The following KHDRBS2 variants were observed in gnomAD, a reference collection of about 807,000 sequenced individuals.
KHDRBS2 encodes the protein KH RNA binding domain containing, signal transduction associated 2.
KHDRBS2 carries 26 observed loss-of-function variants against 44.3 expected under a neutral mutation model. The observed-to-expected ratio is 0.59, with a 90% CI of 0.43 to 0.81. The LOEUF (loss-of-function observed/expected upper bound fraction) is 0.81. KHDRBS2 is among the 40% of genes least tolerant of loss of function. KHDRBS2 has a pLI of 0.00. For missense variants in KHDRBS2, 476 were observed against 433.1 expected, an observed-to-expected ratio of 1.10 and a Z score of -0.88; for synonymous variants, 194 against 151.1, an observed-to-expected ratio of 1.28 and a Z score of -2.08.
intron 6 of KHDRBS2, among the ~76,000 whole-genome samples, chr6:61,790,452 C>T (rs1942414856): frequency 6.7e-6 from 1 of 149,958 alleles, no homozygotes; most frequent in Non-Finnish European, 1.5e-5. Context: ...CAGCCTGAAC[C>T]AATAAGAATA....
rs1295109132 is a variant in KHDRBS2 at position 61,945,101 on chromosome 6, AAAAAAAAAAAAGTATATATATATATATAT to A, written c.483+32936_483+32964del. 1.9e-3 allele frequency among the ~76,000 whole-genome samples: 107 copies of A among 56,264 alleles called. 4 individuals carry two copies. The highest frequency in any genetic ancestry group is 6.4e-3 in the African/African-American group (99 of 15,588). 36.9% of individuals were successfully genotyped at this position (56,264 alleles called of 152,430 possible). A position where few individuals can be genotyped will look rare whatever the true frequency, so the allele number is the denominator to read the frequency against. On this transcript the variant is annotated intron_variant, in intron 4 of 8. Transcript: ENST00000281156. ...GTGAGACTCTGTCTTAAAAAAAAAA[AAAAAAAAAAAAGTATATATATATATATAT>A]ATATATATATATATATATATACACA... is the stretch of plus-strand genomic sequence containing the variant.
intron 1 of KHDRBS2, among the ~76,000 whole-genome samples, chr6:62,218,481 G>C (rs1830378925): frequency 6.6e-6 from 1 of 151,586 alleles, no homozygotes; most frequent in Non-Finnish European, 1.5e-5. Flanking sequence ...CCCAGAAAGA[G>C]TACAGAAGTG....
intron 6 of KHDRBS2, among the ~76,000 whole-genome samples, chr6:61,754,576 T>G (rs1420858771): frequency 6.6e-6 from 1 of 151,932 alleles, no homozygotes; most frequent in Non-Finnish European, 1.5e-5. Context: ...TTTTTTTTTT[T>G]TTTTTGGTTT....
chr6:61,744,460 A>C (rs1776598120), intron 6 of KHDRBS2, among the ~76,000 whole-genome samples: 1 of 152,106 alleles, frequency 6.6e-6, no homozygotes, highest in Non-Finnish European at 1.5e-5. Context: ...AAATCATCCA[A>C]GTAAAGAGTA....
At chr6:61,826,519 G>A (rs1366912682) in intron 6 of KHDRBS2, among the ~76,000 whole-genome samples, 1 of 151,974 alleles carries the variant, frequency 6.6e-6, no homozygotes, top group Non-Finnish European at 1.5e-5. Flanking sequence ...GCTTCCTGCT[G>A]TTACTGGCTT....
intron 2 of KHDRBS2, among the ~76,000 whole-genome samples, chr6:62,145,716 C>T (rs1813788572): frequency 6.6e-6 from 1 of 151,892 alleles, no homozygotes; most frequent in Admixed American, 6.6e-5. Flanking sequence ...TAATCTAACA[C>T]AGATGGAGCA....
chr6:62,109,653 A>G (rs190170436), intron 2 of KHDRBS2, among the ~76,000 whole-genome samples: 1 of 152,108 alleles, frequency 6.6e-6, no homozygotes, highest in East Asian at 1.9e-4. Context: ...AAATACAATT[A>G]AAATACCAGT....
chr6:61,573,040 C>A, the KHDRBS2 span, among the ~76,000 whole-genome samples: 1 of 152,074 alleles, frequency 6.6e-6, no homozygotes, highest in Non-Finnish European at 1.5e-5. Context: ...TCGCTGTTTG[C>A]TATTTATATG....
intron 7 of KHDRBS2, among the ~76,000 whole-genome samples, chr6:61,726,375 C>G (rs989569572): frequency 4.6e-5 from 7 of 152,156 alleles, no homozygotes; most frequent in Admixed American, 2.0e-4. Context: ...GACAAGGATG[C>G]CTTCTCTCAC....
At position 62,042,555 on chromosome 6, in the gene KHDRBS2, G is replaced by A. The variant is rs13195708; in HGVS notation, c.336+5323C>T. ...AGTCACAGCCTGACTGACAAGCAATGAGCATGACTTCACCCCTTCAGGATT... is the reference window on the plus strand; with the variant it reads ...AGTCACAGCCTGACTGACAAGCAATAAGCATGACTTCACCCCTTCAGGATT... On this transcript the variant is annotated intron_variant, in intron 3 of 8. Coordinates refer to ENST00000281156, the MANE Select transcript of KHDRBS2 (RefSeq NM_152688.4). Among the ~76,000 whole-genome samples the A allele has an allele frequency of 6.6e-3, 1,000 of 152,168 alleles. 7 individuals carry two copies. Among genetic ancestry groups the A allele is most frequent in the Non-Finnish European group, 0.011 (753 of 67,976 alleles).
At chr6:62,208,062 T>C (rs1357789523) in intron 1 of KHDRBS2, among the ~76,000 whole-genome samples, 2 of 152,118 alleles carry the variant, frequency 1.3e-5, no homozygotes, top group Non-Finnish European at 2.9e-5. Context: ...CTCTCACCCA[T>C]GGTAAATGCT....
At chr6:61,875,710 C>G (rs995653666) in intron 6 of KHDRBS2, among the ~76,000 whole-genome samples, 1 of 152,022 alleles carries the variant, frequency 6.6e-6, no homozygotes, top group Non-Finnish European at 1.5e-5. Context: ...GCACCAAATA[C>G]AAATAAGACT....
At chr6:61,747,268 C>G (rs1582573421) in intron 6 of KHDRBS2, among the ~76,000 whole-genome samples, 1 of 152,078 alleles carries the variant, frequency 6.6e-6, no homozygotes, top group Admixed American at 6.6e-5. Flanking sequence ...GAGAATGAAT[C>G]AGGAAAACCA....
chr6:62,064,022 C>T (rs1792825762), intron 2 of KHDRBS2, among the ~76,000 whole-genome samples: 1 of 146,864 alleles, frequency 6.8e-6, no homozygotes, highest in Admixed American at 7.0e-5. Flanking sequence ...AGTGAACTCC[C>T]ATTCACAATT....
chr6:62,060,101 T>C (rs1253161913), intron 2 of KHDRBS2, among the ~76,000 whole-genome samples: 1 of 151,812 alleles, frequency 6.6e-6, no homozygotes, highest in South Asian at 2.1e-4. Context: ...TGATGGGGAC[T>C]TTCCTGGCAG....
At chr6:61,806,686 T>C (rs1787221692) in intron 6 of KHDRBS2, among the ~76,000 whole-genome samples, 1 of 152,138 alleles carries the variant, frequency 6.6e-6, no homozygotes, top group Admixed American at 6.6e-5. Flanking sequence ...ATTATCACAT[T>C]TGAATTTTAA....
chr6:62,063,549 T>A (rs927708599), intron 2 of KHDRBS2, among the ~76,000 whole-genome samples: 6 of 151,652 alleles, frequency 4.0e-5, no homozygotes, highest in African/African-American at 1.5e-4. Flanking sequence ...TCTCAATAGA[T>A]GCAGAAAAAG....
Position 61,970,002 on chromosome 6 carries a change from G to A in KHDRBS2, c.483+8064C>T, listed in dbSNP as rs531175546. Among the ~76,000 whole-genome samples the A allele has an allele frequency of 4.0e-5, 6 of 151,874 alleles. 1 individual carries two copies. The highest frequency in any genetic ancestry group is 1.2e-4 in the African/African-American group (5 of 41,500). On this transcript the variant is annotated intron_variant, in intron 4 of 8. Coordinates refer to ENST00000281156, the MANE Select transcript of KHDRBS2 (RefSeq NM_152688.4). ...CTAAAATTCTAAAGTTCAGAACAGAGAAAACGAAGAAAGGGAATGAAAGAC... is the reference window on the plus strand; with the variant it reads ...CTAAAATTCTAAAGTTCAGAACAGAAAAAACGAAGAAAGGGAATGAAAGAC...
chr6:62,282,932 A>C (rs1341965189), intron 1 of KHDRBS2, among the ~76,000 whole-genome samples: 2 of 152,150 alleles, frequency 1.3e-5, no homozygotes, highest in Non-Finnish European at 2.9e-5. Context: ...GTTGAGGTTA[A>C]AGTGGAATTC....
Sources: gnomAD v4.1 joint callset for allele counts (sites outside exome capture counted in the v4.1 genomes callset) on GRCh38, gnomAD v4.1.1 for gene constraint, MANE v1.5 for transcripts, NCBI Gene and HGNC (gene_info 2026-07-23, HGNC 2026-07-21) for gene names.